The following CEACAM7 variants were observed in gnomAD, a reference collection of about 807,000 sequenced individuals.
CEACAM7 encodes the protein cell adhesion molecule CEACAM7.
A neutral mutation model predicts 25.7 loss-of-function variants in CEACAM7; 24 were observed. The observed-to-expected ratio is 0.93, with a 90% CI of 0.68 to 1.31. The LOEUF (loss-of-function observed/expected upper bound fraction) is 1.31. Ranked by LOEUF, CEACAM7 falls within the 40% of genes most tolerant of loss-of-function variation. CEACAM7 has a pLI of 0.00. For missense variants in CEACAM7, 324 were observed against 330.1 expected (o/e 0.98, Z 0.14); for synonymous variants, 144 against 129.4 (o/e 1.11, Z -0.77).
At chr19:41,680,871 T>A (rs1384893024) in intron 3 of CEACAM7, among the ~76,000 whole-genome samples, 1 of 152,062 alleles carries the variant, frequency 6.6e-6, no homozygotes, top group African/African-American at 2.4e-5. Flanking sequence ...CAATGATTTC[T>A]TGGCTATGAC....
chr19:41,686,825 C>G (rs2072229926), intron 2 of CEACAM7, 34 bp downstream of exon 2: 1 of 1,514,686 alleles, frequency 6.6e-7, no homozygotes, highest in African/African-American at 1.4e-5. Flanking sequence ...AGAACTGGCC[C>G]CCAGCACCCA....
rs782580388 is a variant in CEACAM7 at position 41,686,859 on chromosome 19, A to G, written c.427T>C (p.Ser143Pro). The change falls in exon 2 of 5, where the codon TCG (serine) becomes CCG (proline). Residue 143 changes from serine (S) to proline (P), a missense_variant and splice_region_variant. Transcript: ENST00000401731. ...CAGAAGTCATGGAGGTATCACTCAC[A>G]GAATACGTAGAATTGTCTGGTTACT... ...EEVTRQFYVF[S>P]EPPKPSITSN... 6 of 1,524,550 alleles carry G rather than the reference A, an allele frequency of 3.9e-6. No individual in the cohort carries two copies. Among genetic ancestry groups the G allele is most frequent in the African/African-American group, 1.4e-5 (1 of 71,888 alleles). 94.4% of individuals were successfully genotyped at this position (1,524,550 alleles called of 1,614,324 possible).
chr19:41,677,556 G>GT, intron 3 of CEACAM7, 53 bp from the exon 4 acceptor site: 2 of 1,370,360 alleles, frequency 1.5e-6, no homozygotes, highest in Non-Finnish European at 2.1e-6. Context: ...TTACAGGGAA[G>GT]TCCCCCAGGA....
Position 41,686,979 on chromosome 19 carries a change from A to G in CEACAM7, c.307T>C (p.Tyr103His), listed in dbSNP as rs1555811270. Reference protein sequence around the residue: ...GPAHNGRETIYPNGTLLIQNV... With the variant: ...GPAHNGRETIHPNGTLLIQNV... Reference sequence around the variant, plus strand: ...TGGATCAGCAGGGTTCCATTGGGGTATATTGTCTCTCGACCGTTGTGTGCG... The same window carrying G: ...TGGATCAGCAGGGTTCCATTGGGGTGTATTGTCTCTCGACCGTTGTGTGCG... Residue 103 changes from tyrosine to histidine, a missense_variant, in exon 2 of 5, where the codon TAC becomes CAC. Coordinates refer to ENST00000401731, the MANE Select transcript of CEACAM7 (RefSeq NM_001291485.2). The G allele has an allele frequency of 3.1e-6, 5 of 1,612,970 alleles. No individual in the cohort carries two copies. Among genetic ancestry groups the G allele is most frequent in the Admixed American group, 3.3e-5 (2 of 59,864 alleles).
intron 3 of CEACAM7, among the ~76,000 whole-genome samples, chr19:41,681,015 A>G (rs900306755): frequency 1.3e-5 from 2 of 152,238 alleles, no homozygotes; most frequent in Non-Finnish European, 2.9e-5. Context: ...TTTGCAAATC[A>G]TATATCTGAT....
chr19:41,676,809 G>A (rs1219706862), intron 4 of CEACAM7, among the ~76,000 whole-genome samples: 1 of 152,168 alleles, frequency 6.6e-6, no homozygotes, highest in South Asian at 2.1e-4. Context: ...AGAATTCTAT[G>A]TGTACATGGG....
chr19:41,686,793 G>C, intron 2 of CEACAM7, 66 bp downstream of exon 2: 1 of 1,493,174 alleles, frequency 6.7e-7, no homozygotes, highest in South Asian at 1.4e-5. Flanking sequence ...ACCCAGGCCT[G>C]ACAACCCCGT....
At chr19:41,676,190 AC>A (rs1725976630) in intron 4 of CEACAM7, among the ~76,000 whole-genome samples, 2 of 152,214 alleles carry the variant, frequency 1.3e-5, no homozygotes, top group South Asian at 4.1e-4. Context: ...TTAAATAATA[AC>A]GCCTTGGTCC....
chr19:41,677,701 G>A (rs1447104716), intron 3 of CEACAM7, among the ~76,000 whole-genome samples, 198 bp from the exon 4 acceptor site: 2 of 152,186 alleles, frequency 1.3e-5, no homozygotes, highest in African/African-American at 2.4e-5. Context: ...CAGGTTGATG[G>A]TCAGTCTTCT....
At chr19:41,680,582 G>A (rs1371283970) in intron 3 of CEACAM7, among the ~76,000 whole-genome samples, 2 of 152,096 alleles carry the variant, frequency 1.3e-5, no homozygotes, top group African/African-American at 4.8e-5. Flanking sequence ...GGAATAGAAT[G>A]GAGAGCCCAG....
At chr19:41,675,875 C>G (rs1443363512) in intron 4 of CEACAM7, among the ~76,000 whole-genome samples, 1 of 152,144 alleles carries the variant, frequency 6.6e-6, no homozygotes, top group Non-Finnish European at 1.5e-5. Context: ...CAATAACATA[C>G]CCGCAAATAT....
chr19:41,687,203 C>T lies in CEACAM7; in HGVS notation c.83G>A (p.Trp28Ter). 1 of 1,605,512 alleles carries T rather than the reference C, an allele frequency of 6.2e-7. No individual in the cohort carries two copies. Among genetic ancestry groups the T allele is most frequent in the East Asian group, 2.2e-5 (1 of 44,740 alleles). ...LLLTASLLTF[W>*]NLPNSAQTNI... ...GGTCTGGGCACTGTTTGGCAGGTTC[C>T]AGAAGGTTAAAAGCGAGGCTAGGAG... is the stretch of plus-strand genomic sequence containing the variant. Residue 28 changes from tryptophan to a stop codon, truncating the protein, a stop_gained, in exon 2 of 5, where the codon TGG becomes TAG. Coordinates refer to ENST00000401731, the MANE Select transcript of CEACAM7 (RefSeq NM_001291485.2). LOFTEE classifies it high-confidence loss of function.
intron 1 of CEACAM7, 55 bp downstream of exon 1, chr19:41,688,047 C>G: frequency 6.5e-7 from 1 of 1,536,728 alleles, no homozygotes; most frequent in Non-Finnish European, 8.9e-7. Flanking sequence ...CAAGGAGACC[C>G]CAGCCAGTCT....
At position 41,687,190 on chromosome 19, in the gene CEACAM7, G is replaced by C. The variant is rs1555811323; in HGVS notation, c.96C>G (p.Asn32Lys). The change falls in exon 2 of 5, where the codon AAC becomes AAG. Residue 32 changes from asparagine (N) to lysine (K), a missense_variant. Asn to Lys is a moderately conservative substitution (Grantham distance 94). Transcript: ENST00000401731. ...CGACATCAATATTGGTCTGGGCACT[G>C]TTTGGCAGGTTCCAGAAGGTTAAAA... ...ASLLTFWNLP[N>K]SAQTNIDVVP... The C allele has an allele frequency of 8.7e-6, 14 of 1,609,396 alleles. No homozygotes were observed. The South Asian group carries it at 1.5e-4, about 18-fold the overall frequency.
chr19:41,679,277 A>G (rs1262433208), intron 3 of CEACAM7, among the ~76,000 whole-genome samples: 1 of 152,188 alleles, frequency 6.6e-6, no homozygotes, highest in Non-Finnish European at 1.5e-5. Flanking sequence ...CCAGAAACAT[A>G]AAACCTTCCA....
chr19:41,681,605 TAATAA>T (rs1192528478), intron 3 of CEACAM7, among the ~76,000 whole-genome samples: 3 of 152,228 alleles, frequency 2.0e-5, no homozygotes, highest in South Asian at 2.1e-4. Context: ...TCTTAACAGG[TAATAA>T]AATAAAATAA....
chr19:41,677,574 C>G (rs1416814370), intron 3 of CEACAM7, 71 bp from the exon 4 acceptor site: 6 of 1,115,778 alleles, frequency 5.4e-6, no homozygotes, highest in Non-Finnish European at 8.1e-6. Flanking sequence ...GGAACCAACT[C>G]TCAGCATGAA....
intron 2 of CEACAM7, among the ~76,000 whole-genome samples, chr19:41,684,738 A>G (rs973881535): frequency 6.6e-6 from 1 of 152,228 alleles, no homozygotes; most frequent in Non-Finnish European, 1.5e-5. Context: ...AGGATTCTCA[A>G]TGACATAACA....
chr19:41,674,935 T>C (rs1483180306), intron 4 of CEACAM7, among the ~76,000 whole-genome samples, 196 bp from the exon 5 acceptor site: 1 of 152,176 alleles, frequency 6.6e-6, no homozygotes, highest in Non-Finnish European at 1.5e-5. Context: ...ATATAAGAAG[T>C]ATAGCAAGAA....
Sources: allele counts gnomAD v4.1 joint callset (sites outside exome capture counted in the v4.1 genomes callset), GRCh38; gene constraint gnomAD v4.1.1; transcripts MANE v1.5; gene names NCBI Gene and HGNC (gene_info 2026-07-23, HGNC 2026-07-21).